Variants in EEF1AKMT1 observed in about 807,000 individuals in gnomAD.
EEF1AKMT1 encodes EEF1A lysine methyltransferase 1.
EEF1AKMT1 carries 18 observed loss-of-function variants against 21.0 expected under a neutral mutation model. The observed-to-expected ratio is 0.86, with a 90% CI of 0.59 to 1.27. The LOEUF is 1.27. Among genes scored for constraint, EEF1AKMT1 ranks in the 50% most tolerant of loss-of-function variants. EEF1AKMT1 has a pLI of 0.00. For synonymous variants in EEF1AKMT1, 109 were observed against 94.8 expected (o/e 1.15, Z -0.87); for missense variants, 246 against 258.6 (o/e 0.95, Z 0.33).
At chr13:20,758,871 C>T (rs546345765) in intron 1 of EEF1AKMT1, among the ~76,000 whole-genome samples, 3 of 152,196 alleles carry the variant, frequency 2.0e-5, no homozygotes, top group East Asian at 1.9e-4. Context: ...AAGCCACACA[C>T]GTACAATCAA....
chr13:20,753,596 T>C (rs898547408), intron 2 of EEF1AKMT1, among the ~76,000 whole-genome samples: 1 of 152,208 alleles, frequency 6.6e-6, no homozygotes, highest in Non-Finnish European at 1.5e-5. Flanking sequence ...CCTCAGATGC[T>C]CCAGTGTTGG....
At chr13:20,738,376 A>G (rs1016366856) in intron 2 of EEF1AKMT1, among the ~76,000 whole-genome samples, 1 of 152,206 alleles carries the variant, frequency 6.6e-6, no homozygotes, top group Non-Finnish European at 1.5e-5. Context: ...ATTTTTAAAA[A>G]ATTTCTAGTG....
intron 2 of EEF1AKMT1, among the ~76,000 whole-genome samples, chr13:20,738,882 A>C (rs1469042535): frequency 6.6e-6 from 1 of 151,142 alleles, no homozygotes; most frequent in Non-Finnish European, 1.5e-5. Context: ...ACGCAACGAA[A>C]ATGTTCTAAA....
chr13:20,751,447 T>C (rs2058939563), intron 2 of EEF1AKMT1, among the ~76,000 whole-genome samples: 1 of 152,180 alleles, frequency 6.6e-6, no homozygotes, highest in African/African-American at 2.4e-5. Context: ...TTGGCACCTT[T>C]GTCAAAAATC....
intron 2 of EEF1AKMT1, among the ~76,000 whole-genome samples, chr13:20,755,548 T>C (rs769167651): frequency 1.5e-4 from 23 of 152,352 alleles, no homozygotes; most frequent in South Asian, 6.2e-4. Flanking sequence ...AGGATCCTAA[T>C]TGATCCCTGT....
intron 3 of EEF1AKMT1, among the ~76,000 whole-genome samples, chr13:20,735,212 C>G (rs1405923306): frequency 6.6e-6 from 1 of 152,102 alleles, no homozygotes; most frequent in South Asian, 2.1e-4. Flanking sequence ...TGCGACAGAA[C>G]CCGGTAACTC....
chr13:20,728,981 T>TTCAAACCA lies in EEF1AKMT1; in HGVS notation c.*98_*99insTGGTTTGA. On this transcript the variant is annotated 3_prime_UTR_variant, in exon 5 of 5. Transcript: ENST00000382758. ...AACCAGGCCAGGGACAGCTCCAGTT[T>TTCAAACCA]GGGGGGAGGGGAAGAGATTATAACT... The TTCAAACCA allele has an allele frequency of 6.7e-7, 1 of 1,482,866 alleles. No homozygotes were observed. Among genetic ancestry groups the TTCAAACCA allele is most frequent in the Non-Finnish European group, 9.3e-7 (1 of 1,074,238 alleles). 91.9% of individuals were successfully genotyped at this position (1,482,866 alleles called of 1,614,324 possible). A position where few individuals can be genotyped will look rare whatever the true frequency, so the allele number is the denominator to read the frequency against.
intron 4 of EEF1AKMT1, among the ~76,000 whole-genome samples, chr13:20,730,131 C>T (rs58281244): frequency 0.037 from 5,631 of 152,290 alleles, 367 homozygotes; most frequent in African/African-American, 0.13. Flanking sequence ...GTGCTTCCAG[C>T]CTTTAGTCTA....
At chr13:20,759,715 T>G (rs1054866580) in intron 1 of EEF1AKMT1, among the ~76,000 whole-genome samples, 2 of 150,842 alleles carry the variant, frequency 1.3e-5, no homozygotes, top group African/African-American at 4.9e-5. Flanking sequence ...CCAAGAAACA[T>G]GAAAAAATGC....
At chr13:20,772,152 A>ATAT (rs759329333) in intron 1 of EEF1AKMT1, among the ~76,000 whole-genome samples, 1 of 152,064 alleles carries the variant, frequency 6.6e-6, no homozygotes, top group African/African-American at 2.4e-5. Flanking sequence ...GTACTGTGTT[A>ATAT]TATTATTATT....
At chr13:20,757,685 A>G in intron 1 of EEF1AKMT1, 68 bp from the exon 2 acceptor site, 1 of 1,309,312 alleles carries the variant, frequency 7.6e-7, no homozygotes, top group Non-Finnish European at 1.0e-6. Flanking sequence ...ATAATTTTTA[A>G]AAATTTTTAT....
intron 2 of EEF1AKMT1, among the ~76,000 whole-genome samples, chr13:20,756,441 T>C (rs940391043): frequency 1.3e-5 from 2 of 152,240 alleles, no homozygotes; most frequent in Non-Finnish European, 2.9e-5. Flanking sequence ...TTTCAATACA[T>C]GTTTAAGTTC....
chr13:20,756,895 G>A (rs1478251942), intron 2 of EEF1AKMT1, among the ~76,000 whole-genome samples: 1 of 152,040 alleles, frequency 6.6e-6, no homozygotes, highest in African/African-American at 2.4e-5. Context: ...TCCATAAAGG[G>A]CCCCAGACCC....
chr13:20,733,714 C>T (rs1303082498), intron 3 of EEF1AKMT1, among the ~76,000 whole-genome samples: 1 of 152,154 alleles, frequency 6.6e-6, no homozygotes, highest in Admixed American at 6.5e-5. Context: ...CCATGACTGC[C>T]TCATGGGAGA....
intron 2 of EEF1AKMT1, among the ~76,000 whole-genome samples, chr13:20,739,756 T>C (rs1377121571): frequency 2.0e-5 from 3 of 152,080 alleles, no homozygotes; most frequent in African/African-American, 7.2e-5. Flanking sequence ...CTGATTGGTG[T>C]GTTTACAATC....
chr13:20,729,458 G>A (rs2058779222), intron 4 of EEF1AKMT1, among the ~76,000 whole-genome samples: 1 of 151,312 alleles, frequency 6.6e-6, no homozygotes, highest in Non-Finnish European at 1.5e-5. Flanking sequence ...CTGCAAAGCC[G>A]AGACACTTAG....
At position 20,763,864 on chromosome 13, in the gene EEF1AKMT1, C is replaced by T. The variant is rs114153949; in HGVS notation, c.-19-6247G>A. 3.0e-3 allele frequency among the ~76,000 whole-genome samples: 453 copies of T among 152,276 alleles called. 1 individual carries two copies. The highest frequency in any genetic ancestry group is 0.011 in the African/African-American group (437 of 41,550). Reference sequence around the variant, plus strand: ...GAGTTCTCGTAGTTTGTAGTTTCAACGAATTGGTCTGCTTCATCTAAGTTG... The same window carrying T: ...GAGTTCTCGTAGTTTGTAGTTTCAATGAATTGGTCTGCTTCATCTAAGTTG... On this transcript the variant is annotated intron_variant, in intron 1 of 4. Transcript: ENST00000382758.
At chr13:20,736,275 TG>T (rs1211549067) in intron 3 of EEF1AKMT1, among the ~76,000 whole-genome samples, 1 of 152,192 alleles carries the variant, frequency 6.6e-6, no homozygotes, top group African/African-American at 2.4e-5. Flanking sequence ...TATGGAAGTT[TG>T]GAGACAATGG....
chr13:20,748,428 C>T (rs1476423974), intron 2 of EEF1AKMT1, among the ~76,000 whole-genome samples: 1 of 148,156 alleles, frequency 6.7e-6, no homozygotes, highest in Non-Finnish European at 1.5e-5. Context: ...GAGCTAGACT[C>T]CGTCCAAAAA....
Sources: gnomAD v4.1 joint callset for allele counts (sites outside exome capture counted in the v4.1 genomes callset) on GRCh38, gnomAD v4.1.1 for gene constraint, MANE v1.5 for transcripts, NCBI Gene and HGNC (gene_info 2026-07-23, HGNC 2026-07-21) for gene names.